FUT8: variants seen among roughly 807,000 people sequenced by gnomAD.
FUT8 encodes the protein alpha-(1,6)-fucosyltransferase.
A neutral mutation model predicts 71.3 loss-of-function variants in FUT8; 29 were observed. The observed-to-expected ratio is 0.41, with a 90% CI of 0.30 to 0.55. The LOEUF is 0.55. FUT8 is among the 20% of genes least tolerant of loss of function. The probability of loss-of-function intolerance (pLI) is 0.34; values close to 1 mark genes in which losing one functional copy is unlikely to be tolerated. For missense variants in FUT8, 544 were observed against 702.1 expected (o/e 0.77, Z 2.55); for synonymous variants, 254 against 239.3 (o/e 1.06, Z -0.57).
chr14:65,715,609 T>C (rs1039192381), intron 7 of FUT8, among the ~76,000 whole-genome samples: 17 of 152,250 alleles, frequency 1.1e-4, no homozygotes, highest in African/African-American at 4.1e-4. Flanking sequence ...TAAACTTCTC[T>C]GTCAGTACTG....
chr14:65,434,052 T>C (rs1245969647), intron 1 of FUT8, among the ~76,000 whole-genome samples: 2 of 152,210 alleles, frequency 1.3e-5, no homozygotes, highest in Non-Finnish European at 2.9e-5. Flanking sequence ...TGAAAATAAC[T>C]GAAGGCCACA....
At chr14:65,432,408 A>T (rs1173862360) in intron 1 of FUT8, among the ~76,000 whole-genome samples, 128 of 135,016 alleles carry the variant, frequency 9.5e-4, no homozygotes, top group African/African-American at 2.5e-3. Context: ...TTTTTTTTTT[A>T]AATTATTGGC....
chr14:65,707,570 A>AC (rs1449100361), intron 7 of FUT8, among the ~76,000 whole-genome samples: 9 of 152,238 alleles, frequency 5.9e-5, no homozygotes, highest in African/African-American at 2.2e-4. Flanking sequence ...TGTTGCCCAC[A>AC]CCACTGTCAT....
intron 1 of FUT8, among the ~76,000 whole-genome samples, chr14:65,434,492 G>C (rs904814616): frequency 1.3e-4 from 20 of 152,190 alleles, no homozygotes; most frequent in African/African-American, 4.8e-4. Context: ...GATAGATGTT[G>C]TTAACCAGAG....
chr14:65,634,583 A>G (rs897026149), intron 6 of FUT8, among the ~76,000 whole-genome samples: 8 of 142,276 alleles, frequency 5.6e-5, no homozygotes, highest in South Asian at 4.8e-4. Flanking sequence ...AAAAAAAAAG[A>G]AAAGGGTGTC....
At position 65,638,507 on chromosome 14, in the gene FUT8, G is replaced by T. The variant is rs1890677879; in HGVS notation, c.597+8901G>T. On this transcript the variant is annotated intron_variant, in intron 6 of 10. Coordinates refer to ENST00000673929, the MANE Select transcript of FUT8 (RefSeq NM_001371533.1). This position sits in a 1 kb window ranked among gnomAD's most constrained non-coding sequence, Gnocchi z 4.5. ...ACAACTATTTCACTTTTTAAATGAGGATAGGGATTTTTTTTCATTCAAAAA... is the reference window on the plus strand; with the variant it reads ...ACAACTATTTCACTTTTTAAATGAGTATAGGGATTTTTTTTCATTCAAAAA... 6.6e-6 allele frequency among the ~76,000 whole-genome samples: 1 copy of T among 152,090 alleles called. No homozygotes were observed. Among genetic ancestry groups the T allele is most frequent in the African/African-American group, 2.4e-5 (1 of 41,416 alleles).
At chr14:65,419,478 T>TA (rs1227951279) in intron 1 of FUT8, among the ~76,000 whole-genome samples, 1 of 152,226 alleles carries the variant, frequency 6.6e-6, no homozygotes, top group Non-Finnish European at 1.5e-5. Context: ...AATTAGGGCC[T>TA]AATCAATTGG....
chr14:65,485,397 A>AG (rs2066394036), intron 2 of FUT8, among the ~76,000 whole-genome samples: 1 of 152,074 alleles, frequency 6.6e-6, no homozygotes, highest in South Asian at 2.1e-4. Flanking sequence ...AGATAATTTG[A>AG]GGCTTGCTTT....
chr14:65,735,010 C>T (rs1896152927), intron 10 of FUT8, among the ~76,000 whole-genome samples: 1 of 152,074 alleles, frequency 6.6e-6, no homozygotes, highest in Non-Finnish European at 1.5e-5. Flanking sequence ...CCCTGTGGAG[C>T]AAAATTGCCC....
chr14:65,419,315 A>G (rs1490188938), intron 1 of FUT8, among the ~76,000 whole-genome samples: 1 of 152,152 alleles, frequency 6.6e-6, no homozygotes, highest in Non-Finnish European at 1.5e-5. Flanking sequence ...CATGTGCCTC[A>G]TTACTGTAAT....
chr14:65,421,179 G>T (rs1197111184), intron 1 of FUT8, among the ~76,000 whole-genome samples: 1 of 142,698 alleles, frequency 7.0e-6, no homozygotes, highest in Non-Finnish European at 1.5e-5. Flanking sequence ...GCGACAGAGC[G>T]GGACTCCATC....
intron 10 of FUT8, among the ~76,000 whole-genome samples, chr14:65,740,037 C>CT (rs1312049148): frequency 6.6e-6 from 1 of 152,004 alleles, no homozygotes; most frequent in Non-Finnish European, 1.5e-5. Context: ...TTAGTTTCTT[C>CT]TTTTCCTGAG....
At chr14:65,465,565 T>G (rs897300679) in intron 2 of FUT8, among the ~76,000 whole-genome samples, 1 of 152,274 alleles carries the variant, frequency 6.6e-6, no homozygotes, top group African/African-American at 2.4e-5. Context: ...TATTTGTAAG[T>G]GAGCTGTTTA....
the FUT8 span, among the ~76,000 whole-genome samples, chr14:65,371,525 A>G: frequency 6.6e-6 from 1 of 152,218 alleles, no homozygotes; most frequent in South Asian, 2.1e-4. Flanking sequence ...AAAATTACAG[A>G]CCAGTTATTT....
At chr14:65,481,687 G>GTT (rs567062781) in intron 2 of FUT8, among the ~76,000 whole-genome samples, 1,826 of 151,568 alleles carry the variant, frequency 0.012, 14 homozygotes, top group South Asian at 0.024. Context: ...CTTTTCTAAA[G>GTT]TTTTTTTTTA....
chr14:65,508,347 G>A (rs1182579635), intron 2 of FUT8, among the ~76,000 whole-genome samples: 4 of 151,794 alleles, frequency 2.6e-5, no homozygotes, highest in African/African-American at 9.7e-5. Context: ...TAGGATTACA[G>A]GCGTGAGCCA....
intron 2 of FUT8, among the ~76,000 whole-genome samples, chr14:65,476,804 G>A (rs2139664646): frequency 6.6e-6 from 1 of 152,044 alleles, no homozygotes; most frequent in South Asian, 2.1e-4. Flanking sequence ...CAGTAATACT[G>A]AGATCTTGGA....
At chr14:65,383,071 A>G in the FUT8 span, among the ~76,000 whole-genome samples, 4 of 151,972 alleles carry the variant, frequency 2.6e-5, no homozygotes, top group South Asian at 6.2e-4. Flanking sequence ...CCCTTTTGAA[A>G]TCCATTCTCC....
intron 2 of FUT8, among the ~76,000 whole-genome samples, chr14:65,492,614 G>A (rs2066498714): frequency 6.6e-6 from 1 of 152,094 alleles, no homozygotes; most frequent in Admixed American, 6.6e-5. Context: ...ATTGTTCATT[G>A]TTCAGTTAAA....
Sources: allele counts gnomAD v4.1 joint callset (sites outside exome capture counted in the v4.1 genomes callset), GRCh38; gene constraint gnomAD v4.1.1; non-coding constraint Gnocchi (gnomAD v3.1); transcripts MANE v1.5; gene names NCBI Gene and HGNC (gene_info 2026-07-23, HGNC 2026-07-21).